NKAIN2: variants seen among roughly 807,000 people sequenced by gnomAD.
The protein encoded by NKAIN2 is sodium/potassium transporting ATPase interacting 2.
In NKAIN2, 14 loss-of-function variants were observed where a neutral mutation model predicts 32.6. The observed-to-expected ratio is 0.43, with a 90% CI of 0.28 to 0.67. The LOEUF (loss-of-function observed/expected upper bound fraction) is 0.67. NKAIN2 is among the 30% of genes least tolerant of loss of function. The pLI is 0.17. For missense variants in NKAIN2, 198 were observed against 258.3 expected (o/e 0.77, Z 1.60); for synonymous variants, 80 against 87.2 (o/e 0.92, Z 0.46).
intron 3 of NKAIN2, among the ~76,000 whole-genome samples, chr6:124,414,530 G>A (rs931495599): frequency 2.0e-5 from 3 of 152,144 alleles, no homozygotes; most frequent in Admixed American, 1.3e-4. Flanking sequence ...GGAATTGGGA[G>A]ATAGTCCTTC....
intron 4 of NKAIN2, among the ~76,000 whole-genome samples, chr6:124,775,731 C>T (rs571059309): frequency 1.4e-4 from 22 of 152,298 alleles, no homozygotes; most frequent in African/African-American, 4.8e-4. Context: ...AGTGACCCTA[C>T]TATCTTAGCT....
At chr6:124,199,320 A>T (rs1790492287) in intron 1 of NKAIN2, among the ~76,000 whole-genome samples, 1 of 152,216 alleles carries the variant, frequency 6.6e-6, no homozygotes, top group Admixed American at 6.6e-5. Context: ...TCTTTTAAAG[A>T]ATCATGAAAG....
At chr6:123,837,201 T>A (rs1774665560) in intron 1 of NKAIN2, among the ~76,000 whole-genome samples, 1 of 152,168 alleles carries the variant, frequency 6.6e-6, no homozygotes, top group Non-Finnish European at 1.5e-5. Context: ...GCATGTTTTA[T>A]TTTATACCTG....
intron 3 of NKAIN2, among the ~76,000 whole-genome samples, chr6:124,524,403 A>G (rs951405835): frequency 2.6e-5 from 4 of 152,156 alleles, no homozygotes; most frequent in African/African-American, 4.8e-5. Context: ...TATGTAATTC[A>G]TTTACTATAC....
At chr6:123,888,464 A>G (rs1773835409) in intron 1 of NKAIN2, among the ~76,000 whole-genome samples, 1 of 152,124 alleles carries the variant, frequency 6.6e-6, no homozygotes, top group Non-Finnish European at 1.5e-5. Flanking sequence ...TAAGGGAGAA[A>G]ATACTGAGCT....
intron 3 of NKAIN2, among the ~76,000 whole-genome samples, chr6:124,400,926 A>G (rs917870264): frequency 2.0e-5 from 3 of 152,158 alleles, no homozygotes; most frequent in African/African-American, 7.2e-5. Flanking sequence ...GCATTGCTAA[A>G]TGTTAGAGTT....
At chr6:124,204,480 C>T (rs1410395607) in intron 1 of NKAIN2, among the ~76,000 whole-genome samples, 2 of 151,612 alleles carry the variant, frequency 1.3e-5, no homozygotes, top group East Asian at 1.9e-4. Flanking sequence ...TATTTGAAAT[C>T]GTAGGCCCAG....
At chr6:123,895,695 G>A (rs1774247805) in intron 1 of NKAIN2, among the ~76,000 whole-genome samples, 3 of 152,328 alleles carry the variant, frequency 2.0e-5, no homozygotes, top group African/African-American at 7.2e-5. Flanking sequence ...AAAGTATTAT[G>A]AGATAGTAGA....
At chr6:124,353,077 C>A (rs554502917) in intron 2 of NKAIN2, among the ~76,000 whole-genome samples, 2 of 152,094 alleles carry the variant, frequency 1.3e-5, no homozygotes. Flanking sequence ...TGATAAAAAC[C>A]GGGTCTGAGA....
intron 3 of NKAIN2, among the ~76,000 whole-genome samples, chr6:124,377,027 A>G (rs1800022430): frequency 6.6e-6 from 1 of 152,144 alleles, no homozygotes; most frequent in South Asian, 2.1e-4. Flanking sequence ...TCTATCACCC[A>G]TTTAAGGTGG....
At chr6:123,805,634 TAA>T (rs1773182940) in intron 1 of NKAIN2, among the ~76,000 whole-genome samples, 1 of 152,190 alleles carries the variant, frequency 6.6e-6, no homozygotes, top group African/African-American at 2.4e-5. Flanking sequence ...CAGATTCATA[TAA>T]GTTTTGCAAT....
At chr6:124,144,439 G>T (rs189486299) in intron 1 of NKAIN2, among the ~76,000 whole-genome samples, 51 of 152,152 alleles carry the variant, frequency 3.4e-4, no homozygotes, top group Non-Finnish European at 8.8e-5. Flanking sequence ...ACTTACAGAA[G>T]AAAAATAATG....
At chr6:123,938,430 ATATATATATATATATAT>A (rs1776640200) in intron 1 of NKAIN2, among the ~76,000 whole-genome samples, 1 of 44,326 alleles carries the variant, frequency 2.3e-5, no homozygotes, top group Non-Finnish European at 3.6e-5. Context: ...ATATATATAT[ATATATATATATATATAT>A]ATATACACAC....
At chr6:124,631,239 T>G (rs974550123) in intron 3 of NKAIN2, among the ~76,000 whole-genome samples, 1 of 152,128 alleles carries the variant, frequency 6.6e-6, no homozygotes, top group African/African-American at 2.4e-5. Context: ...AAATACAGCA[T>G]AGTGCAGTAT....
chr6:124,388,552 T>C (rs1487180252), intron 3 of NKAIN2, among the ~76,000 whole-genome samples: 1 of 152,126 alleles, frequency 6.6e-6, no homozygotes, highest in African/African-American at 2.4e-5. Flanking sequence ...TTCCAGGTTA[T>C]TTGTAATGCA....
chr6:124,310,906 G>A (rs1444425757), intron 2 of NKAIN2, among the ~76,000 whole-genome samples: 1 of 152,060 alleles, frequency 6.6e-6, no homozygotes, highest in Admixed American at 6.6e-5. Context: ...CTTTGGTCCC[G>A]GTGTTGGTTT....
At chr6:124,636,902 C>A (rs1783792096) in intron 3 of NKAIN2, among the ~76,000 whole-genome samples, 1 of 151,972 alleles carries the variant, frequency 6.6e-6, no homozygotes. Flanking sequence ...GCCAGCATTA[C>A]CCTGGTACCA....
intron 1 of NKAIN2, among the ~76,000 whole-genome samples, chr6:124,240,699 T>G (rs1239653830): frequency 6.6e-6 from 1 of 152,112 alleles, no homozygotes; most frequent in African/African-American, 2.4e-5. Flanking sequence ...TAAACACCCC[T>G]TCATGCTAAA....
At chr6:124,780,579 C>A (rs542932555) in intron 4 of NKAIN2, among the ~76,000 whole-genome samples, 63 of 152,138 alleles carry the variant, frequency 4.1e-4, no homozygotes, top group Non-Finnish European at 7.9e-4. Flanking sequence ...TAAAGGGGAG[C>A]CACAAGTGTT....
Sources: gnomAD v4.1 joint callset for allele counts (sites outside exome capture counted in the v4.1 genomes callset) on GRCh38, gnomAD v4.1.1 for gene constraint, MANE v1.5 for transcripts, NCBI Gene and HGNC (gene_info 2026-07-23, HGNC 2026-07-21) for gene names.